STXBP5L: variants seen among roughly 807,000 people sequenced by gnomAD.
STXBP5L encodes syntaxin binding protein 5L, also known as syntaxin-binding protein 5-like.
Under a neutral mutation model 144.5 loss-of-function variants are expected in STXBP5L, and 65 were observed. The ratio of observed to expected loss-of-function variants is 0.45; its 90% CI spans 0.37 to 0.55. The LOEUF (loss-of-function observed/expected upper bound fraction) is 0.55. Ranked by LOEUF, STXBP5L falls within the 20% of genes least tolerant of loss-of-function variation. STXBP5L has a pLI of 0.00. For synonymous variants in STXBP5L, 505 were observed against 469.6 expected (o/e 1.08, Z -0.97); for missense variants, 1,298 against 1,405.5 (o/e 0.92, Z 1.22).
In STXBP5L at chr3:121,407,619, T is replaced by C. The variant is rs1221224645; in HGVS notation, c.2948+16T>C. 1.2e-6 allele frequency: 2 copies of C among 1,612,576 alleles called. No individual in the cohort carries two copies. Among genetic ancestry groups the C allele is most frequent in the African/African-American group, 2.7e-5 (2 of 74,866 alleles). Reference sequence around the variant, plus strand: ...TGATAATGAGGTACTTGCCTTCTTATAAATTATCTGGTAATCACAACAATA... The same window carrying C: ...TGATAATGAGGTACTTGCCTTCTTACAAATTATCTGGTAATCACAACAATA... On this transcript the variant is annotated intron_variant, in intron 23 of 26. Transcript: ENST00000471454.
intron 5 of STXBP5L, among the ~76,000 whole-genome samples, chr3:121,052,433 G>T (rs1210892863): frequency 3.3e-5 from 5 of 152,146 alleles, no homozygotes; most frequent in Non-Finnish European, 7.4e-5. Flanking sequence ...ATGGAAGGCT[G>T]GTTCAATATA....
At chr3:121,038,745 A>G (rs1483599714) in intron 3 of STXBP5L, among the ~76,000 whole-genome samples, 2 of 151,816 alleles carry the variant, frequency 1.3e-5, no homozygotes, top group Non-Finnish European at 2.9e-5. Flanking sequence ...GGTTCTATCA[A>G]TTTTGTATTA....
At chr3:121,233,428 G>C (rs925091002) in intron 11 of STXBP5L, among the ~76,000 whole-genome samples, 188 bp from the exon 12 acceptor site, 2 of 151,966 alleles carry the variant, frequency 1.3e-5, no homozygotes, top group African/African-American at 4.8e-5. Flanking sequence ...TCTTTCTAGT[G>C]ATCTTAATAT....
chr3:121,118,827 G>A (rs890407935), intron 6 of STXBP5L, among the ~76,000 whole-genome samples: 1 of 151,562 alleles, frequency 6.6e-6, no homozygotes, highest in African/African-American at 2.4e-5. Context: ...GTGTACAATG[G>A]TGCCATTTAG....
chr3:121,295,735 A>T (rs1030533415), intron 19 of STXBP5L, among the ~76,000 whole-genome samples: 1 of 152,162 alleles, frequency 6.6e-6, no homozygotes, highest in Admixed American at 6.5e-5. Context: ...AAGAGTAGGG[A>T]TAGTCTACTG....
chr3:121,062,312 AT>A (rs1220608514), intron 5 of STXBP5L, among the ~76,000 whole-genome samples: 72 of 152,006 alleles, frequency 4.7e-4, no homozygotes, highest in Non-Finnish European at 9.0e-4. Flanking sequence ...AATGTTGAAT[AT>A]TTTCCCCCCA....
rs1269184444 is a variant in STXBP5L, at chr3:121,367,593, TTG to T, written c.2177-11121_2177-11120del. Among the ~76,000 whole-genome samples the T allele has an allele frequency of 3.1e-3, 398 of 129,526 alleles. 1 individual carries two copies. Among genetic ancestry groups the T allele is most frequent in the Middle Eastern group, 8.4e-3 (2 of 238 alleles). 85.0% of individuals were successfully genotyped at this position (129,526 alleles called of 152,430 possible). A position where few individuals can be genotyped will look rare whatever the true frequency, so the allele number is the denominator to read the frequency against. ...AAGGTTCTCTCTTTGTCTTCGACTC[TTG>T]TTTTTTTTTTTTTTTTTTTTTTTTT... On this transcript the variant is annotated intron_variant, in intron 20 of 26. Transcript: ENST00000471454.
chr3:121,121,746 A>G, intron 7 of STXBP5L, 42 bp downstream of exon 7: 1 of 1,450,258 alleles, frequency 6.9e-7, no homozygotes. Flanking sequence ...TATTTTCCTC[A>G]TTCTTGAAAA....
chr3:121,395,187 A>G (rs967847737), intron 22 of STXBP5L, among the ~76,000 whole-genome samples: 3 of 152,338 alleles, frequency 2.0e-5, no homozygotes, highest in Non-Finnish European at 2.9e-5. Context: ...AATTATACAC[A>G]TCCTTACTTG....
At chr3:121,039,404 TA>T (rs1946985323) in intron 3 of STXBP5L, among the ~76,000 whole-genome samples, 1 of 151,916 alleles carries the variant, frequency 6.6e-6, no homozygotes, top group South Asian at 2.1e-4. Context: ...GTGTTATTGT[TA>T]ATATCATTTT....
chr3:121,344,194 A>G (rs976807720), intron 20 of STXBP5L, among the ~76,000 whole-genome samples: 1 of 152,132 alleles, frequency 6.6e-6, no homozygotes, highest in Non-Finnish European at 1.5e-5. Context: ...CTGGCTAGCC[A>G]TATGTAGAAA....
chr3:121,008,541 A>G (rs771147145), intron 3 of STXBP5L, among the ~76,000 whole-genome samples: 13 of 152,066 alleles, frequency 8.5e-5, no homozygotes. Flanking sequence ...ATACAACACC[A>G]AATAATGGAC....
intron 3 of STXBP5L, among the ~76,000 whole-genome samples, chr3:121,038,420 G>A (rs1284472116): frequency 6.6e-6 from 1 of 151,738 alleles, no homozygotes; most frequent in African/African-American, 2.4e-5. Flanking sequence ...AGGGTTTTCT[G>A]GATGTTATTA....
chr3:121,066,876 T>C (rs1174539935), intron 5 of STXBP5L, among the ~76,000 whole-genome samples: 3 of 152,132 alleles, frequency 2.0e-5, no homozygotes, highest in African/African-American at 7.2e-5. Flanking sequence ...AAATGACATA[T>C]TATATTTCCT....
chr3:121,401,245 T>C (rs9813138), intron 22 of STXBP5L, among the ~76,000 whole-genome samples: 151,989 of 152,158 alleles, frequency 1, 75,910 homozygotes, highest in Middle Eastern at 1. Context: ...CTGTTTCTTC[T>C]GAATTCTGTA....
intron 9 of STXBP5L, among the ~76,000 whole-genome samples, chr3:121,186,685 A>G (rs2047396184): frequency 6.6e-6 from 1 of 152,160 alleles, no homozygotes; most frequent in South Asian, 2.1e-4. Flanking sequence ...GTGCTGCTGG[A>G]TTCGGTTTGC....
intron 3 of STXBP5L, among the ~76,000 whole-genome samples, chr3:121,031,109 G>T (rs1025710993): frequency 2.0e-5 from 3 of 152,098 alleles, no homozygotes; most frequent in Non-Finnish European, 2.9e-5. Flanking sequence ...GCAGCAAGCA[G>T]TTCGTGAAAC....
intron 3 of STXBP5L, among the ~76,000 whole-genome samples, chr3:120,979,440 T>C (rs1941500007): frequency 6.6e-6 from 1 of 152,184 alleles, no homozygotes. Flanking sequence ...ATTTTCCAGG[T>C]GCCGTCTGTC....
chr3:121,132,593 A>C (rs1322823445), intron 7 of STXBP5L, among the ~76,000 whole-genome samples: 1 of 152,238 alleles, frequency 6.6e-6, no homozygotes, highest in Non-Finnish European at 1.5e-5. Flanking sequence ...TGCAGAAAGC[A>C]ACATAGAGAG....
Sources: gnomAD v4.1 joint callset for allele counts (sites outside exome capture counted in the v4.1 genomes callset) on GRCh38, gnomAD v4.1.1 for gene constraint, MANE v1.5 for transcripts, NCBI Gene and HGNC (gene_info 2026-07-23, HGNC 2026-07-21) for gene names.